WDFY4: variants seen among roughly 807,000 people sequenced by gnomAD.
The protein encoded by WDFY4 is WDFY family member 4.
Under a neutral mutation model 351.9 loss-of-function variants are expected in WDFY4, and 169 were observed. The ratio of observed to expected loss-of-function variants is 0.48; its 90% CI spans 0.42 to 0.55. The LOEUF (loss-of-function observed/expected upper bound fraction) is 0.55, where lower values mean the gene tolerates loss of function less well. Among genes scored for constraint, WDFY4 ranks in the 20% least tolerant of loss-of-function variants. The pLI, the probability that WDFY4 is intolerant of heterozygous loss-of-function variation, is 0.00. For synonymous variants in WDFY4, 1,622 were observed against 1,574.6 expected, an observed-to-expected ratio of 1.03 and a Z score of -0.71; for missense variants, 3,803 against 3,935.6, an observed-to-expected ratio of 0.97 and a Z score of 0.90.
chr10:48,770,460 C>G (rs1345610077), intron 13 of WDFY4, among the ~76,000 whole-genome samples: 1 of 152,052 alleles, frequency 6.6e-6, no homozygotes, highest in Non-Finnish European at 1.5e-5. Context: ...TTATTTTTGC[C>G]TTTTGGTTCA....
intron 53 of WDFY4, among the ~76,000 whole-genome samples, chr10:48,961,546 G>A (rs943025785): frequency 2.0e-5 from 3 of 152,164 alleles, no homozygotes; most frequent in African/African-American, 7.2e-5. Flanking sequence ...AGAAGATGAG[G>A]CAGTTATGGA....
intron 38 of WDFY4, 107 bp downstream of exon 38, chr10:48,830,992 G>A: frequency 2.7e-6 from 3 of 1,094,366 alleles, no homozygotes; most frequent in Non-Finnish European, 3.9e-6. Context: ...TGGACCCTCT[G>A]TCTCATCCCT....
chr10:48,693,001 T>A (rs1443887771), intron 1 of WDFY4, among the ~76,000 whole-genome samples: 1 of 152,058 alleles, frequency 6.6e-6, no homozygotes, highest in Non-Finnish European at 1.5e-5. Context: ...GAAGGTGGCA[T>A]GTTTGGACCG....
intron 34 of WDFY4, among the ~76,000 whole-genome samples, chr10:48,821,686 G>C (rs1036370234): frequency 6.6e-6 from 1 of 152,234 alleles, no homozygotes. Flanking sequence ...AGCCTTTTCT[G>C]TGGTTCCCAA....
At chr10:48,706,870 A>C (rs2063645327) in intron 1 of WDFY4, among the ~76,000 whole-genome samples, 1 of 152,252 alleles carries the variant, frequency 6.6e-6, no homozygotes, top group African/African-American at 2.4e-5. Flanking sequence ...TAAATAAACA[A>C]GCAACATTAC....
chr10:48,812,183 T>TC (rs1360538454), intron 30 of WDFY4, among the ~76,000 whole-genome samples: 1 of 131,222 alleles, frequency 7.6e-6, no homozygotes, highest in African/African-American at 3.9e-5. Context: ...TCTTTTCTTT[T>TC]TTTTTTGTTT....
chr10:48,850,891 GC>G (rs2133173190), intron 39 of WDFY4, among the ~76,000 whole-genome samples: 1 of 152,318 alleles, frequency 6.6e-6, no homozygotes, highest in African/African-American at 2.4e-5. Context: ...AGGAATAAAG[GC>G]CTGGAAATAT....
chr10:48,747,337 T>G (rs768242823), intron 12 of WDFY4, among the ~76,000 whole-genome samples: 2 of 152,132 alleles, frequency 1.3e-5, no homozygotes, highest in Non-Finnish European at 2.9e-5. Context: ...TCAATGTACA[T>G]TATTTTAAAC....
At chr10:48,910,848 AG>A in intron 47 of WDFY4, 1 of 924,760 alleles carries the variant, frequency 1.1e-6, no homozygotes, top group Non-Finnish European at 1.3e-6. Flanking sequence ...GCAGCGGGGA[AG>A]GGAGGACGTG....
intron 23 of WDFY4, among the ~76,000 whole-genome samples, chr10:48,795,710 C>T (rs752697649): frequency 2.0e-5 from 3 of 151,758 alleles, no homozygotes; most frequent in South Asian, 2.1e-4. Flanking sequence ...CAGATTAGGT[C>T]GCTCAAGGCT....
intron 2 of WDFY4, among the ~76,000 whole-genome samples, chr10:48,714,432 G>C (rs1462235512): frequency 1.3e-5 from 2 of 152,250 alleles, no homozygotes; most frequent in Admixed American, 1.3e-4. Flanking sequence ...AAGCAACACA[G>C]AGCCAATGAC....
chr10:48,966,145 G>C (rs1175947114), intron 54 of WDFY4, among the ~76,000 whole-genome samples: 1 of 152,274 alleles, frequency 6.6e-6, no homozygotes, highest in African/African-American at 2.4e-5. Context: ...TGAGAAATAG[G>C]TTGAGCCAAT....
At chr10:48,820,068 T>C (rs911773182) in intron 32 of WDFY4, among the ~76,000 whole-genome samples, 166 bp from the exon 33 acceptor site, 2 of 152,198 alleles carry the variant, frequency 1.3e-5, no homozygotes, top group African/African-American at 4.8e-5. Flanking sequence ...AGCAGGCCAC[T>C]TTATGAGCAG....
intron 13 of WDFY4, among the ~76,000 whole-genome samples, chr10:48,769,287 A>G (rs1393529595): frequency 2.6e-5 from 4 of 152,216 alleles, no homozygotes; most frequent in Non-Finnish European, 5.9e-5. Flanking sequence ...GTGAAGCAGC[A>G]TATCAGGCTG....
chr10:48,864,171 T>C (rs1053933192), intron 39 of WDFY4, among the ~76,000 whole-genome samples: 2 of 152,246 alleles, frequency 1.3e-5, no homozygotes, highest in Non-Finnish European at 2.9e-5. Flanking sequence ...TCTGAGATCA[T>C]GCAGATGTAC....
chr10:48,768,116 G>T (rs539714337), intron 13 of WDFY4, among the ~76,000 whole-genome samples: 1 of 152,300 alleles, frequency 6.6e-6, no homozygotes, highest in South Asian at 2.1e-4. Context: ...AAATTGGAGG[G>T]TAGTCCTGTC....
chr10:48,978,534 A>AGTGACTT, intron 60 of WDFY4, 141 bp downstream of exon 60: 2 of 734,244 alleles, frequency 2.7e-6, no homozygotes, highest in South Asian at 2.1e-5. Context: ...AGAGAGGTTC[A>AGTGACTT]GTGACTTGCC....
At chr10:48,860,927 T>A (rs1328062619) in intron 39 of WDFY4, among the ~76,000 whole-genome samples, 1 of 152,200 alleles carries the variant, frequency 6.6e-6, no homozygotes, top group African/African-American at 2.4e-5. Flanking sequence ...GATTTTTTTT[T>A]ATAGCCCAAG....
chr10:48,775,587 G>T (rs1267467867), intron 14 of WDFY4, 125 bp from the exon 15 acceptor site: 2 of 849,376 alleles, frequency 2.4e-6, no homozygotes, highest in African/African-American at 1.7e-5. Context: ...CTTTCAGAAA[G>T]GGTGTTCCAG....
Sources: allele counts gnomAD v4.1 joint callset (sites outside exome capture counted in the v4.1 genomes callset), GRCh38; gene constraint gnomAD v4.1.1; transcripts MANE v1.5; gene names NCBI Gene and HGNC (gene_info 2026-07-23, HGNC 2026-07-21).